Variants in CSMD1 observed in about 807,000 individuals in gnomAD.
CSMD1 encodes CUB and sushi domain-containing protein 1.
Under a neutral mutation model 417.5 loss-of-function variants are expected in CSMD1, and 213 were observed. That is an observed-to-expected ratio of 0.51 (90% CI 0.46 to 0.57). The LOEUF is 0.57. CSMD1 is among the 20% of genes least tolerant of loss of function. The pLI, the probability that CSMD1 is intolerant of heterozygous loss-of-function variation, is 0.00. For missense variants in CSMD1, 6,923 were observed against 4,529.7 expected (o/e 1.53, Z -15.17); for synonymous variants, 2,862 against 1,736.8 (o/e 1.65, Z -16.11).
chr8:4,540,501 C>G (rs527326933), intron 2 of CSMD1, among the ~76,000 whole-genome samples: 1 of 152,170 alleles, frequency 6.6e-6, no homozygotes, highest in Non-Finnish European at 1.5e-5. Flanking sequence ...CCCAGGAGTT[C>G]CAGACCAGCC....
At chr8:3,463,837 C>A (rs1816653069) in intron 12 of CSMD1, among the ~76,000 whole-genome samples, 1 of 152,180 alleles carries the variant, frequency 6.6e-6, no homozygotes, top group Non-Finnish European at 1.5e-5. Flanking sequence ...GTTTTTGAAC[C>A]ATCTCCTACA....
chr8:4,042,670 T>C (rs1797949904), intron 3 of CSMD1, among the ~76,000 whole-genome samples: 1 of 151,616 alleles, frequency 6.6e-6, no homozygotes, highest in Non-Finnish European at 1.5e-5. Flanking sequence ...CTATTAGCTG[T>C]TTAAAGCCAA....
At chr8:3,955,305 C>G (rs751935914) in intron 5 of CSMD1, among the ~76,000 whole-genome samples, 1 of 152,184 alleles carries the variant, frequency 6.6e-6, no homozygotes, top group Non-Finnish European at 1.5e-5. Context: ...AAACACACAT[C>G]CAGTGTGTTC....
intron 1 of CSMD1, among the ~76,000 whole-genome samples, chr8:4,924,116 C>G (rs1479997890): frequency 1.3e-5 from 2 of 152,136 alleles, no homozygotes; most frequent in African/African-American, 4.8e-5. Flanking sequence ...CAATGTAAAT[C>G]AAGCATCCAG....
At chr8:3,992,659 T>C (rs1026211630) in intron 5 of CSMD1, among the ~76,000 whole-genome samples, 3 of 152,128 alleles carry the variant, frequency 2.0e-5, no homozygotes, top group Admixed American at 6.5e-5. Context: ...TCTGCACCTG[T>C]AGTCCCAGAT....
At chr8:3,611,726 T>C (rs977000702) in intron 8 of CSMD1, among the ~76,000 whole-genome samples, 9 of 152,148 alleles carry the variant, frequency 5.9e-5, no homozygotes, top group Admixed American at 5.2e-4. Context: ...CAAATGTATT[T>C]TTGTAAATAA....
chr8:3,425,228 T>C (rs1813757307), intron 12 of CSMD1, among the ~76,000 whole-genome samples: 2 of 152,138 alleles, frequency 1.3e-5, no homozygotes, highest in African/African-American at 4.8e-5. Flanking sequence ...TATGGCTTGG[T>C]TTCAGGCATC....
intron 3 of CSMD1, among the ~76,000 whole-genome samples, chr8:4,045,774 C>G (rs188808997): frequency 6.6e-5 from 10 of 152,188 alleles, no homozygotes; most frequent in Non-Finnish European, 1.0e-4. Flanking sequence ...CTAAATTACA[C>G]ACTTTAAAGC....
intron 37 of CSMD1, among the ~76,000 whole-genome samples, chr8:3,164,573 T>G (rs928472671): frequency 1.3e-5 from 2 of 152,216 alleles, no homozygotes; most frequent in Non-Finnish European, 2.9e-5. Context: ...AGCAAGGTCA[T>G]CTACCATACA....
intron 3 of CSMD1, among the ~76,000 whole-genome samples, chr8:4,178,647 T>G (rs28877354): frequency 0.13 from 19,086 of 151,978 alleles, 1,708 homozygotes; most frequent in East Asian, 0.25. Flanking sequence ...AATTGTCCCT[T>G]TTTGCAGATA....
intron 7 of CSMD1, among the ~76,000 whole-genome samples, chr8:3,677,384 G>T (rs984413989): frequency 2.6e-5 from 4 of 152,182 alleles, no homozygotes; most frequent in East Asian, 1.9e-4. Flanking sequence ...TCCCACACAA[G>T]AAAACATACC....
At chr8:3,595,075 A>C (rs1246009737) in intron 8 of CSMD1, among the ~76,000 whole-genome samples, 2 of 152,204 alleles carry the variant, frequency 1.3e-5, no homozygotes, top group Non-Finnish European at 2.9e-5. Context: ...ATTTTAAAAT[A>C]AATGCTTTAG....
chr8:4,134,500 C>T (rs1423829363), intron 3 of CSMD1, among the ~76,000 whole-genome samples: 1 of 152,192 alleles, frequency 6.6e-6, no homozygotes, highest in Admixed American at 6.5e-5. Context: ...CTCCGACTTC[C>T]AGCCTCCAGA....
chr8:4,159,276 T>A (rs1292290136), intron 3 of CSMD1, among the ~76,000 whole-genome samples: 1 of 152,310 alleles, frequency 6.6e-6, no homozygotes, highest in Non-Finnish European at 1.5e-5. Context: ...GCATTTAGTG[T>A]AAGTTTAATT....
intron 1 of CSMD1, among the ~76,000 whole-genome samples, chr8:4,647,823 G>C (rs1028019471): frequency 5.9e-5 from 9 of 152,170 alleles, no homozygotes; most frequent in African/African-American, 2.2e-4. Flanking sequence ...TCACTGATGG[G>C]CGTTTGGGTT....
chr8:4,980,505 A>G (rs1315405331), intron 1 of CSMD1, among the ~76,000 whole-genome samples: 1 of 152,202 alleles, frequency 6.6e-6, no homozygotes, highest in Non-Finnish European at 1.5e-5. Flanking sequence ...TGAAAGGAGA[A>G]TTCCTTAGAC....
At chr8:4,844,949 T>C (rs893295957) in intron 1 of CSMD1, among the ~76,000 whole-genome samples, 15 of 152,154 alleles carry the variant, frequency 9.9e-5, no homozygotes, top group African/African-American at 3.4e-4. Context: ...ACCAGTCAAT[T>C]TGGCAGCTCA....
intron 3 of CSMD1, among the ~76,000 whole-genome samples, chr8:4,401,018 A>C (rs1804611038): frequency 1.3e-5 from 2 of 152,134 alleles, no homozygotes; most frequent in Non-Finnish European, 2.9e-5. Flanking sequence ...AGTCCATTTA[A>C]AATCTGAAAG....
Position 4,024,266 on chromosome 8 carries a change from T to C in CSMD1, c.610+7639A>G, listed in dbSNP as rs76728834. 2.7e-4 allele frequency among the ~76,000 whole-genome samples: 41 copies of C among 152,248 alleles called. No individual in the cohort carries two copies. In the East Asian group the frequency reaches 7.4e-3, roughly 27 times the overall value. ...CATATCAAGGTGTCAATTGAGAAAG[T>C]TCACAACGGATAAAGCATGAAGAAT... On this transcript the variant is annotated intron_variant, in intron 4 of 69. Transcript: ENST00000635120.
Sources: allele counts gnomAD v4.1 joint callset (sites outside exome capture counted in the v4.1 genomes callset), GRCh38; gene constraint gnomAD v4.1.1; transcripts MANE v1.5; gene names NCBI Gene and HGNC (gene_info 2026-07-23, HGNC 2026-07-21).